Variants in MYO1C observed in about 807,000 individuals in gnomAD.
The protein encoded by MYO1C is myosin IC.
A neutral mutation model predicts 150.8 loss-of-function variants in MYO1C; 104 were observed. The observed-to-expected ratio is 0.69, with a 90% CI of 0.59 to 0.81. The LOEUF is 0.81. Among genes scored for constraint, MYO1C ranks in the 30% least tolerant of loss-of-function variants. The pLI is 0.00. For synonymous variants in MYO1C, 663 were observed against 579.9 expected (o/e 1.14, Z -2.06); for missense variants, 1,504 against 1,435.0 (o/e 1.05, Z -0.78).
chr17:1,475,003 T>C lies in MYO1C; in HGVS notation c.1604A>G (p.Lys535Arg). The C allele has an allele frequency of 6.4e-7, 1 of 1,554,024 alleles. No homozygotes were observed. Among genetic ancestry groups the C allele is most frequent in the Non-Finnish European group, 8.7e-7 (1 of 1,148,284 alleles). ...GCGGAATTCCCCTCGGCCCAGAGAT[T>C]TCCTGGTCCGCTGGTCAGCCAGCTT... ...THKLADQRTRKSLGRGEFRLL... is the reference protein window; with the variant it reads ...THKLADQRTRRSLGRGEFRLL... The change falls in exon 15 of 32, where the codon AAA becomes AGA. Residue 535 changes from lysine (K) to arginine (R), a missense_variant. Physicochemically the swap from Lys to Arg is conservative, Grantham distance 26. Transcript: ENST00000648651.
intron 23 of MYO1C, 42 bp downstream of exon 23, chr17:1,470,393 A>C (rs904497530): frequency 2.6e-6 from 4 of 1,547,728 alleles, no homozygotes; most frequent in Non-Finnish European, 3.5e-6. Context: ...ACCACCCCCC[A>C]CGCCCTGCTC....
chr17:1,476,551 A>G (rs1352600793), intron 14 of MYO1C, among the ~76,000 whole-genome samples: 1 of 152,194 alleles, frequency 6.6e-6, no homozygotes, highest in Non-Finnish European at 1.5e-5. Flanking sequence ...CACTGACCCC[A>G]GCTCGGCAAC....
chr17:1,489,520 AT>A (rs976736179), intron 1 of MYO1C, among the ~76,000 whole-genome samples: 1 of 151,718 alleles, frequency 6.6e-6, no homozygotes, highest in Non-Finnish European at 1.5e-5. Context: ...CTCCACTAAA[AT>A]TTTTTTAAAA....
At position 1,479,724 on chromosome 17, in the gene MYO1C, G is replaced by C. The variant is rs1301878714; in HGVS notation, c.907-19C>G. On this transcript the variant is annotated intron_variant, in intron 7 of 31. Coordinates refer to ENST00000648651, the MANE Select transcript of MYO1C (RefSeq NM_001080779.2). The surrounding 1 kb of genome is among the most constrained non-coding windows in gnomAD (Gnocchi z 4.2). ...GCAGGTCCTGGGGGAGCAGGCCGGG[G>C]GCAGGAGGGGGTGAGAGGGGCCAGA... 1.9e-6 allele frequency: 3 copies of C among 1,582,772 alleles called. No individual in the cohort carries two copies. In the Admixed American group the frequency reaches 5.2e-5, roughly 28 times the overall value.
intron 1 of MYO1C, 157 bp from the exon 2 acceptor site, chr17:1,484,460 AGGGCCTGGGTGTGGT>A: frequency 2.2e-6 from 1 of 447,916 alleles, no homozygotes; most frequent in Non-Finnish European, 3.6e-6. Flanking sequence ...CTGGGTGCTG[AGGGCCTGGGTGTGGT>A]GGGCCGGGTG....
chr17:1,468,153 G>A lies in MYO1C; in HGVS notation c.2761-30C>T, dbSNP rs561511731. On this transcript the variant is annotated intron_variant, in intron 27 of 31. Transcript: ENST00000648651. ...GGACAGAGGCCAGGCTGAAGGGGCT[G>A]GGGAGAGGCTCCCAAGGCTCCGCCC... 1.6e-5 allele frequency: 25 copies of A among 1,612,622 alleles called. No individual in the cohort carries two copies. In the South Asian group the frequency reaches 2.4e-4, roughly 16 times the overall value.
Position 1,477,358 on chromosome 17 carries a change from T to C in MYO1C, c.1574+147A>G, listed in dbSNP as rs1376128092. 6 of 727,020 alleles carry C rather than the reference T, an allele frequency of 8.3e-6. No homozygotes were observed. The African/African-American group carries it at 1.0e-4, about 13-fold the overall frequency. 45.0% of individuals were successfully genotyped at this position (727,020 alleles called of 1,614,324 possible). On this transcript the variant is annotated intron_variant, in intron 14 of 31. Transcript: ENST00000648651. ...ATGCCTGGCTAAGCTTCTTAGTTTCTGGACACATGTGAGGGGTCCTTAACT... is the reference window on the plus strand; with the variant it reads ...ATGCCTGGCTAAGCTTCTTAGTTTCCGGACACATGTGAGGGGTCCTTAACT...
intron 5 of MYO1C, chr17:1,481,218 C>T (rs1289049420): frequency 1.2e-5 from 4 of 340,480 alleles, no homozygotes; most frequent in African/African-American, 6.3e-5. Context: ...GTGGTGACTA[C>T]ATCCTTCTCG....
At chr17:1,472,864 C>A (rs2074332302) in intron 17 of MYO1C, among the ~76,000 whole-genome samples, 2 of 151,510 alleles carry the variant, frequency 1.3e-5, no homozygotes, top group African/African-American at 4.9e-5. Context: ...AGTACTCCGG[C>A]AAGATCCAGT....
rs1163417079 is a variant in MYO1C, at chr17:1,483,706, A to G, written c.251T>C (p.Leu84Pro). Reference protein sequence around the residue: ...NLIYTYIGPVLVSVNPYRDLQ... With the variant: ...NLIYTYIGPVPVSVNPYRDLQ... ...GTCCCGGTAGGGATTGACAGAGACC[A>G]GGACGGGGCCAATGTAGGTCTGGGA... is the stretch of plus-strand genomic sequence containing the variant. The change falls in exon 3 of 32, where the codon CTG becomes CCG. Residue 84 changes from leucine (L) to proline (P), a missense_variant. By Grantham distance (98) the Leu-to-Pro change is moderately conservative. Transcript: ENST00000648651. 2 of 1,612,482 alleles carry G rather than the reference A, an allele frequency of 1.2e-6. No individual in the cohort carries two copies. Among genetic ancestry groups the G allele is most frequent in the South Asian group, 1.1e-5 (1 of 90,704 alleles).
In MYO1C at chr17:1,471,911, G is replaced by C; in HGVS notation, c.2017C>G (p.Gln673Glu). 1.2e-6 allele frequency: 2 copies of C among 1,614,032 alleles called. No individual in the cohort carries two copies. The highest frequency in any genetic ancestry group is 1.7e-6 in the Non-Finnish European group (2 of 1,179,978). ...CCGAGCAGGACCTGCCCCCACCTTT[G>C]CAGGAAAGCTTCGTATTTGCGGCGA... ...AYRRKYEAFL[Q>E]RYKSLCPETW... The change falls in exon 19 of 32, where the codon CAA becomes GAA. Residue 673 changes from glutamine (Q) to glutamate (E), a missense_variant. Coordinates refer to ENST00000648651, the MANE Select transcript of MYO1C (RefSeq NM_001080779.2).
At position 1,464,815 on chromosome 17, in the gene MYO1C, C is replaced by CTT. The variant is rs557106289; in HGVS notation, c.*909_*910dup. On this transcript the variant is annotated 3_prime_UTR_variant, in exon 32 of 32. Coordinates refer to ENST00000648651, the MANE Select transcript of MYO1C (RefSeq NM_001080779.2). ...ATGATGAGGACAGTAAAAGGGCGTT[C>CTT]TTTTTTTTTTTTTTTAAGACGGAGT... 0.62 allele frequency: 89,141 copies of CTT among 143,952 alleles called. 27,771 individuals are homozygous for CTT. The highest frequency in any genetic ancestry group is 0.69 in the Admixed American group (9,904 of 14,416). 8.9% of individuals were successfully genotyped at this position (143,952 alleles called of 1,614,324 possible).
intron 14 of MYO1C, among the ~76,000 whole-genome samples, chr17:1,475,943 C>CGTAT (rs1019347226): frequency 1.3e-5 from 2 of 152,130 alleles, no homozygotes; most frequent in African/African-American, 4.8e-5. Context: ...GAGCCTTATA[C>CGTAT]ACAAGTTCTC....
chr17:1,467,334 A>G lies in MYO1C; in HGVS notation c.3073T>C (p.Phe1025Leu). 2.5e-6 allele frequency: 4 copies of G among 1,612,754 alleles called. No individual in the cohort carries two copies. Among genetic ancestry groups the G allele is most frequent in the Non-Finnish European group, 3.4e-6 (4 of 1,179,506 alleles). Residue 1025 changes from phenylalanine (F) to leucine (L), a missense_variant, in exon 31 of 32, where the codon TTT becomes CTT. Transcript: ENST00000648651. ...SININQGSIT[F>L]AGGPGRDGTI... is the part of the protein sequence containing the mutation. ...CCATCCCTGCCGGGGCCCCCTGCAA[A>G]CGTGATGCTGGGGGAACGGGGTGGG...
At chr17:1,492,332 C>G in intron 1 of MYO1C, 81 bp downstream of exon 1, 2 of 1,432,580 alleles carry the variant, frequency 1.4e-6, no homozygotes, top group South Asian at 2.4e-5. Flanking sequence ...CAGCTCTTGC[C>G]CGAGGGCTCG....
chr17:1,471,443 C>T (rs1476234683), intron 19 of MYO1C, 107 bp from the exon 20 acceptor site: 6 of 882,052 alleles, frequency 6.8e-6, no homozygotes, highest in African/African-American at 3.3e-5. Context: ...GACTCGTTCA[C>T]AGCTAGCAGG....
At position 1,478,530 on chromosome 17, in the gene MYO1C, C is replaced by A; in HGVS notation, c.1213-38G>T. On this transcript the variant is annotated intron_variant, in intron 10 of 31. Transcript: ENST00000648651. This position sits in a 1 kb window ranked among gnomAD's most constrained non-coding sequence, Gnocchi z 6.3. ...TTCAACCGAAGGCGTGGGCCCCCTG[C>A]GCGTGCCAGCCCCACCCTGCAGCAC... 3.1e-6 allele frequency: 5 copies of A among 1,613,722 alleles called. No homozygotes were observed. The highest frequency in any genetic ancestry group is 4.2e-6 in the Non-Finnish European group (5 of 1,179,852).
chr17:1,467,748 T>G (rs1598318972), intron 29 of MYO1C, 92 bp downstream of exon 29: 1 of 334,518 alleles, frequency 3.0e-6, no homozygotes, highest in Non-Finnish European at 5.6e-6. Flanking sequence ...CACCTCCCCA[T>G]CCACCCCCAC....
Position 1,482,480 on chromosome 17 carries a change from T to C in MYO1C, c.625A>G (p.Lys209Glu), listed in dbSNP as rs1168777065. ...GKYMDVQFDF[K>E]GAPVGGHILS... Reference sequence around the variant, plus strand: ...CACGACACACACATCCATGGTACCTTGAAGTCAAACTGCACATCCATGTAC... The same window carrying C: ...CACGACACACACATCCATGGTACCTCGAAGTCAAACTGCACATCCATGTAC... The change falls in exon 5 of 32, where the codon AAG becomes GAG. Residue 209 changes from lysine (K) to glutamate (E), a missense_variant and splice_region_variant. Coordinates refer to ENST00000648651, the MANE Select transcript of MYO1C (RefSeq NM_001080779.2). 2 of 1,613,694 alleles carry C rather than the reference T, an allele frequency of 1.2e-6. No homozygotes were observed. The highest frequency in any genetic ancestry group is 1.7e-6 in the Non-Finnish European group (2 of 1,179,752).
Sources: allele counts gnomAD v4.1 joint callset (sites outside exome capture counted in the v4.1 genomes callset), GRCh38; gene constraint gnomAD v4.1.1; non-coding constraint Gnocchi (gnomAD v3.1); transcripts MANE v1.5; gene names NCBI Gene and HGNC (gene_info 2026-07-23, HGNC 2026-07-21).